EHBP1: variants seen among roughly 807,000 people sequenced by gnomAD.
The protein encoded by EHBP1 is EH domain-binding protein 1.
Under a neutral mutation model 144.0 loss-of-function variants are expected in EHBP1, and 55 were observed. The observed-to-expected ratio is 0.38, with a 90% CI of 0.31 to 0.48. EHBP1 has a LOEUF of 0.48. Among genes scored for constraint, EHBP1 ranks in the 20% least tolerant of loss-of-function variants. The pLI, the probability that EHBP1 is intolerant of heterozygous loss-of-function variation, is 0.98. For synonymous variants in EHBP1, 469 were observed against 472.7 expected, an observed-to-expected ratio of 0.99 and a Z score of 0.10; for missense variants, 1,200 against 1,364.2, an observed-to-expected ratio of 0.88 and a Z score of 1.90.
intron 14 of EHBP1, among the ~76,000 whole-genome samples, chr2:62,956,916 T>C (rs1188990232): frequency 6.6e-6 from 1 of 152,288 alleles, no homozygotes; most frequent in East Asian, 1.9e-4. Flanking sequence ...TTCTCTAGTG[T>C]GGGCTTCCTC....
At chr2:62,835,921 GC>G (rs2047198948) in intron 7 of EHBP1, among the ~76,000 whole-genome samples, 1 of 151,928 alleles carries the variant, frequency 6.6e-6, no homozygotes, top group Admixed American at 6.6e-5. Flanking sequence ...GGGGAGGGGC[GC>G]CCGCCATTGC....
chr2:62,803,978 A>T (rs1197862216), intron 5 of EHBP1, among the ~76,000 whole-genome samples: 3 of 152,164 alleles, frequency 2.0e-5, no homozygotes, highest in Admixed American at 2.0e-4. Context: ...ACTTCCTAGG[A>T]TTGTTTTAAG....
intron 10 of EHBP1, among the ~76,000 whole-genome samples, chr2:62,892,303 T>C (rs2052527911): frequency 6.6e-6 from 1 of 152,144 alleles, no homozygotes; most frequent in Non-Finnish European, 1.5e-5. Context: ...GGTGGGTGTT[T>C]TTTGGTTTTT....
chr2:62,974,050 A>AT (rs1446023405), intron 14 of EHBP1, among the ~76,000 whole-genome samples: 1 of 152,172 alleles, frequency 6.6e-6, no homozygotes, highest in African/African-American at 2.4e-5. Flanking sequence ...AGTAAACAGG[A>AT]TTTTTTTATG....
chr2:62,763,909 AAT>A (rs2040961500), intron 3 of EHBP1, among the ~76,000 whole-genome samples: 1 of 152,130 alleles, frequency 6.6e-6, no homozygotes, highest in South Asian at 2.1e-4. Flanking sequence ...TAATTTTTAA[AAT>A]ATCTCTTCTA....
At chr2:62,972,309 A>C (rs1300219176) in intron 14 of EHBP1, among the ~76,000 whole-genome samples, 2 of 152,186 alleles carry the variant, frequency 1.3e-5, no homozygotes, top group East Asian at 3.9e-4. Context: ...TAATAAGATA[A>C]TCATTGTCCC....
chr2:62,796,351 G>A (rs1032187917), intron 5 of EHBP1, among the ~76,000 whole-genome samples: 1 of 151,946 alleles, frequency 6.6e-6, no homozygotes, highest in African/African-American at 2.4e-5. Flanking sequence ...GCACCTCTAT[G>A]GTTAAGTCAG....
chr2:62,827,844 T>G (rs555643256), intron 6 of EHBP1, among the ~76,000 whole-genome samples: 8 of 152,256 alleles, frequency 5.3e-5, no homozygotes, highest in South Asian at 2.1e-4. Context: ...ATTTTGTATA[T>G]TTTTGGTAGA....
intron 3 of EHBP1, among the ~76,000 whole-genome samples, chr2:62,747,744 TAAAAG>T (rs1012612575): frequency 1.3e-5 from 2 of 151,904 alleles, no homozygotes; most frequent in African/African-American, 4.8e-5. Context: ...GGTTTTGCCT[TAAAAG>T]TAATAGCAAA....
intron 10 of EHBP1, among the ~76,000 whole-genome samples, chr2:62,936,760 A>G (rs2056413679): frequency 6.6e-6 from 1 of 152,174 alleles, no homozygotes; most frequent in South Asian, 2.1e-4. Context: ...ATGAGAATAA[A>G]GTGAAGTGAT....
At chr2:62,690,566 T>C (rs1040664325) in intron 1 of EHBP1, among the ~76,000 whole-genome samples, 1 of 151,988 alleles carries the variant, frequency 6.6e-6, no homozygotes, top group Middle Eastern at 3.4e-3. Context: ...CCATCTCAAA[T>C]AAATAAATTA....
chr2:62,788,721 T>C (rs769329801), intron 5 of EHBP1, among the ~76,000 whole-genome samples: 9 of 152,198 alleles, frequency 5.9e-5, no homozygotes, highest in Non-Finnish European at 1.3e-4. Context: ...TTTCTGAAGG[T>C]TTGCCAATAA....
intron 2 of EHBP1, among the ~76,000 whole-genome samples, chr2:62,741,845 A>G (rs111817274): frequency 1.1e-3 from 172 of 152,298 alleles, no homozygotes; most frequent in African/African-American, 3.7e-3. Flanking sequence ...CATAACAACT[A>G]TATAGTATTT....
At chr2:62,826,347 A>G in intron 6 of EHBP1, 79 bp downstream of exon 6, 1 of 1,320,008 alleles carries the variant, frequency 7.6e-7, no homozygotes, top group South Asian at 1.7e-5. Flanking sequence ...GACTGGCAAT[A>G]GTTGAACATC....
intron 10 of EHBP1, among the ~76,000 whole-genome samples, chr2:62,899,490 G>A (rs761933843): frequency 6.6e-6 from 1 of 152,170 alleles, no homozygotes; most frequent in African/African-American, 2.4e-5. Flanking sequence ...CTCACTCAGG[G>A]ATAATATGAA....
In EHBP1 at chr2:62,833,666, G is replaced by T. The variant is rs554514187; in HGVS notation, c.634+2508G>T. Among the ~76,000 whole-genome samples, 11 of 152,320 alleles carry T rather than the reference G, an allele frequency of 7.2e-5. No individual in the cohort carries two copies. The South Asian group carries it at 2.3e-3, about 32-fold the overall frequency. On this transcript the variant is annotated intron_variant, in intron 7 of 22. Transcript: ENST00000431489. ...ACCACTGCTCATTGACAGCGTACCTGGTTGCCCAAGAGCTGTGATGGAGAT... is the reference window on the plus strand; with the variant it reads ...ACCACTGCTCATTGACAGCGTACCTTGTTGCCCAAGAGCTGTGATGGAGAT...
At chr2:62,757,306 G>A (rs1267046796) in intron 3 of EHBP1, among the ~76,000 whole-genome samples, 1 of 151,448 alleles carries the variant, frequency 6.6e-6, no homozygotes, top group East Asian at 1.9e-4. Flanking sequence ...TTGTTTTTTT[G>A]TAGAGATGGG....
At chr2:62,987,195 T>C (rs573266514) in intron 15 of EHBP1, among the ~76,000 whole-genome samples, 1 of 152,234 alleles carries the variant, frequency 6.6e-6, no homozygotes, top group Admixed American at 6.5e-5. Flanking sequence ...GAGGAAAAAA[T>C]ATCTACTAAA....
At chr2:62,973,230 A>G (rs1329846145) in intron 14 of EHBP1, among the ~76,000 whole-genome samples, 10 of 152,212 alleles carry the variant, frequency 6.6e-5, no homozygotes, top group Non-Finnish European at 1.5e-4. Context: ...CTCAGTAAAA[A>G]TGACCCTTCA....
Sources: gnomAD v4.1 joint callset for allele counts (sites outside exome capture counted in the v4.1 genomes callset) on GRCh38, gnomAD v4.1.1 for gene constraint, MANE v1.5 for transcripts, NCBI Gene and HGNC (gene_info 2026-07-23, HGNC 2026-07-21) for gene names.